Variants in DGKD observed in about 807,000 individuals in gnomAD.
DGKD encodes diacylglycerol kinase delta, also known as DAG kinase delta.
Under a neutral mutation model 154.4 loss-of-function variants are expected in DGKD, and 68 were observed. The observed-to-expected ratio is 0.44, with a 90% confidence interval of 0.36 to 0.54. The LOEUF is 0.54. Among genes scored for constraint, DGKD ranks in the 20% least tolerant of loss-of-function variants. DGKD has a pLI of 0.00. For synonymous variants in DGKD, 693 were observed against 638.0 expected (o/e 1.09, Z -1.30); for missense variants, 1,343 against 1,593.6 (o/e 0.84, Z 2.68).
chr2:233,411,233 T>A (rs1247840302), intron 3 of DGKD, among the ~76,000 whole-genome samples: 1 of 152,196 alleles, frequency 6.6e-6, no homozygotes, highest in Non-Finnish European at 1.5e-5. Flanking sequence ...GATCATATAG[T>A]AGGTATATGT....
At chr2:233,380,879 TCTC>T (rs1470423244) in intron 1 of DGKD, among the ~76,000 whole-genome samples, 1 of 152,046 alleles carries the variant, frequency 6.6e-6, no homozygotes, top group Admixed American at 6.5e-5. Flanking sequence ...ATGAGGTGTC[TCTC>T]CTCCTGTCGG....
At chr2:233,463,507 G>GCACGCATGTCCTCACTC (rs1559183853) in intron 26 of DGKD, among the ~76,000 whole-genome samples, 5 of 49,402 alleles carry the variant, frequency 1.0e-4, no homozygotes, top group Non-Finnish European at 1.4e-4. Context: ...TGTCCTCACT[G>GCACGCATGTCCTCACTC]CACGCATGTC....
intron 29 of DGKD, 143 bp downstream of exon 29, chr2:233,468,696 G>A (rs1448380897): frequency 1.8e-5 from 24 of 1,327,478 alleles, no homozygotes; most frequent in East Asian, 2.5e-5. Context: ...GGGGGCGGCT[G>A]TGGCCCTCAT....
chr2:233,394,889 A>G (rs141865437), intron 3 of DGKD, among the ~76,000 whole-genome samples: 1 of 151,082 alleles, frequency 6.6e-6, no homozygotes, highest in African/African-American at 2.4e-5. Context: ...TATTTTTTGT[A>G]GAGATGGGGT....
chr2:233,418,357 C>A (rs561467452), intron 3 of DGKD, among the ~76,000 whole-genome samples: 1 of 152,178 alleles, frequency 6.6e-6, no homozygotes, highest in East Asian at 1.9e-4. Context: ...CTGCCAGAGG[C>A]CCCCCCGCCA....
intron 1 of DGKD, among the ~76,000 whole-genome samples, chr2:233,371,395 T>G: frequency 6.6e-6 from 1 of 152,206 alleles, no homozygotes; most frequent in South Asian, 2.1e-4. Context: ...TCGGGTTGTC[T>G]TCTTGTTGTT....
intron 10 of DGKD, among the ~76,000 whole-genome samples, chr2:233,443,074 G>A (rs929955110): frequency 3.3e-5 from 5 of 152,142 alleles, no homozygotes; most frequent in East Asian, 1.9e-4. Context: ...CTCTCTGAGC[G>A]CACCCAAGCT....
At position 233,378,242 on chromosome 2, in the gene DGKD, G is replaced by A. The variant is rs376938258; in HGVS notation, c.157-10015G>A. 1.2e-4 allele frequency among the ~76,000 whole-genome samples: 18 copies of A among 151,932 alleles called. No homozygotes were observed. In the East Asian group the frequency reaches 2.9e-3, roughly 25 times the overall value. ...TAGCCTGGGCAACATGGTGAAACCC[G>A]TCTTTACTAAAATACAAAAATTAGC... On this transcript the variant is annotated intron_variant, in intron 1 of 29. Transcript: ENST00000264057.
intron 12 of DGKD, chr2:233,447,855 C>A: frequency 7.3e-7 from 1 of 1,360,898 alleles, no homozygotes; most frequent in Non-Finnish European, 9.5e-7. Flanking sequence ...GATTCATTTG[C>A]AGTTTGCCTG....
intron 1 of DGKD, among the ~76,000 whole-genome samples, chr2:233,358,285 T>G (rs1701620342): frequency 6.6e-6 from 1 of 152,242 alleles, no homozygotes; most frequent in Non-Finnish European, 1.5e-5. Context: ...TTAAAAGAGT[T>G]TAATTTATTT....
intron 10 of DGKD, among the ~76,000 whole-genome samples, chr2:233,444,558 G>A (rs1208094784): frequency 6.6e-6 from 1 of 150,974 alleles, no homozygotes; most frequent in East Asian, 2.0e-4. Flanking sequence ...CATGCCTGCT[G>A]TGCGCTGCTC....
chr2:233,393,683 GTT>G (rs528368593), intron 3 of DGKD, among the ~76,000 whole-genome samples: 27 of 128,336 alleles, frequency 2.1e-4, no homozygotes, highest in Middle Eastern at 4.2e-3. Flanking sequence ...ATGTGTATTG[GTT>G]TTTTTTTTTT....
In DGKD at chr2:233,354,680, C is replaced by T; in HGVS notation, c.156+6C>T. ...CGGGTCAGATCCGACAGAAGGTGAGCCCGCGGCGCGGCGGCCCGGGCGCGC... is the reference window on the plus strand; with the variant it reads ...CGGGTCAGATCCGACAGAAGGTGAGTCCGCGGCGCGGCGGCCCGGGCGCGC... On this transcript the variant is annotated splice_donor_region_variant and intron_variant, in intron 1 of 29. Coordinates refer to ENST00000264057, the MANE Select transcript of DGKD (RefSeq NM_152879.3). This position sits in a 1 kb window ranked among gnomAD's most constrained non-coding sequence, Gnocchi z 4.8. The T allele has an allele frequency of 1.0e-6, 1 of 1,002,596 alleles. No homozygotes were observed. Among genetic ancestry groups the T allele is most frequent in the East Asian group, 1.1e-4 (1 of 9,020 alleles). The allele number at this position is 1,002,596 out of a possible 1,614,324, so 62.1% of individuals were successfully genotyped here.
chr2:233,435,249 AGT>A (rs374318360), intron 5 of DGKD, among the ~76,000 whole-genome samples: 100 of 152,272 alleles, frequency 6.6e-4, no homozygotes, highest in African/African-American at 2.1e-3. Flanking sequence ...ATGGACTGAA[AGT>A]GTGTTACAGA....
intron 10 of DGKD, among the ~76,000 whole-genome samples, chr2:233,443,189 C>G (rs574574138): frequency 6.6e-6 from 1 of 152,214 alleles, no homozygotes; most frequent in African/African-American, 2.4e-5. Flanking sequence ...CCAAGCTGTT[C>G]ATCTCTTTAG....
At chr2:233,398,095 G>A (rs903647275) in intron 3 of DGKD, among the ~76,000 whole-genome samples, 22 of 108,490 alleles carry the variant, frequency 2.0e-4, no homozygotes, top group East Asian at 1.5e-3. Context: ...CCCCACCCCC[G>A]ATTTTGGCAT....
chr2:233,450,611 T>G (rs1308697378), intron 16 of DGKD, among the ~76,000 whole-genome samples: 1 of 152,144 alleles, frequency 6.6e-6, no homozygotes, highest in African/African-American at 2.4e-5. Flanking sequence ...CCATGGCCAC[T>G]GCATGGCCAC....
chr2:233,438,229 C>G lies in DGKD; in HGVS notation c.935C>G (p.Ala312Gly). The change falls in exon 9 of 30, where the codon GCC (alanine) becomes GGC (glycine). Residue 312 changes from alanine (A) to glycine (G), a missense_variant. Ala to Gly is a moderately conservative substitution (Grantham distance 60). Around this residue, in one of 6 missense-constraint regions of DGKD, gnomAD observed 332 missense variants for 400.1 expected, o/e 0.83. Coordinates refer to ENST00000264057, the MANE Select transcript of DGKD (RefSeq NM_152879.3). This position sits in a 1 kb window ranked among gnomAD's most constrained non-coding sequence, Gnocchi z 4.1. ...TTCTTGCGTCCAGGGTTCTGGAAGG[C>G]CAGCTGTCCTCCTTCTTGCACAAGC... is the stretch of plus-strand genomic sequence containing the variant. ...NSIDSDGFWK[A>G]SCPPSCTSPL... The G allele has an allele frequency of 6.2e-7, 1 of 1,613,976 alleles. No homozygotes were observed.
At chr2:233,406,780 A>G (rs2061696096) in intron 3 of DGKD, among the ~76,000 whole-genome samples, 1 of 152,174 alleles carries the variant, frequency 6.6e-6, no homozygotes, top group African/African-American at 2.4e-5. Context: ...ACTTCTCCAA[A>G]GTGTGACATG....
Sources: allele counts gnomAD v4.1 joint callset (sites outside exome capture counted in the v4.1 genomes callset), GRCh38; gene constraint gnomAD v4.1.1; regional missense constraint gnomAD v4.1.1; non-coding constraint Gnocchi (gnomAD v3.1); transcripts MANE v1.5; gene names NCBI Gene and HGNC (gene_info 2026-07-23, HGNC 2026-07-21).